DNAH8: variants seen among roughly 807,000 people sequenced by gnomAD.
The protein encoded by DNAH8 is dynein axonemal heavy chain 8, also known as axonemal beta dynein heavy chain 8.
A neutral mutation model predicts 562.1 loss-of-function variants in DNAH8; 382 were observed. The observed-to-expected ratio is 0.68, with a 90% confidence interval of 0.63 to 0.74. The LOEUF (loss-of-function observed/expected upper bound fraction) is 0.74, where lower values mean the gene tolerates loss of function less well. Among genes scored for constraint, DNAH8 ranks in the 30% least tolerant of loss-of-function variants. DNAH8 has a pLI of 0.00. For missense variants in DNAH8, 5,203 were observed against 5,620.4 expected (o/e 0.93, Z 2.37); for synonymous variants, 1,881 against 1,919.4 (o/e 0.98, Z 0.52).
intron 42 of DNAH8, among the ~76,000 whole-genome samples, chr6:38,859,994 A>G (rs534201960): frequency 7.8e-4 from 118 of 152,162 alleles, no homozygotes; most frequent in African/African-American, 2.5e-3. Flanking sequence ...GAAGATGCCA[A>G]TCAGATCTTC....
intron 8 of DNAH8, among the ~76,000 whole-genome samples, chr6:38,750,023 G>A (rs1023031117): frequency 6.6e-6 from 1 of 152,050 alleles, no homozygotes; most frequent in East Asian, 1.9e-4. Context: ...TAGTAGAGAC[G>A]GGGTTTCACC....
At chr6:38,871,520 CCT>C (rs1561792203) in intron 49 of DNAH8, among the ~76,000 whole-genome samples, 1 of 152,110 alleles carries the variant, frequency 6.6e-6, no homozygotes, top group Non-Finnish European at 1.5e-5. Flanking sequence ...AGGAACAGTG[CCT>C]CTGTTGCTTT....
At chr6:38,844,104 C>A (rs1315118616) in intron 35 of DNAH8, among the ~76,000 whole-genome samples, 1 of 152,116 alleles carries the variant, frequency 6.6e-6, no homozygotes, top group East Asian at 1.9e-4. Context: ...GCAGTGTTTT[C>A]AGCCTCCTTC....
intron 10 of DNAH8, among the ~76,000 whole-genome samples, chr6:38,759,414 G>A (rs1230512210): frequency 6.6e-6 from 1 of 152,148 alleles, no homozygotes; most frequent in African/African-American, 2.4e-5. Context: ...AATATATAAA[G>A]TCATAGTCAC....
intron 91 of DNAH8, among the ~76,000 whole-genome samples, chr6:39,018,595 C>T (rs539686833): frequency 2.8e-4 from 43 of 152,332 alleles, no homozygotes; most frequent in African/African-American, 1.0e-3. Flanking sequence ...ATTTCATCCT[C>T]CTGCAAAGGT....
chr6:38,981,316 C>T lies in DNAH8; in HGVS notation c.12835-1030C>T, dbSNP rs575453868. The stretch of plus-strand genomic sequence containing the variant: ...TCATCTATGTGGGTTGTTGGATCAT[C>T]AATTCTTGGAGCTATCAGGTCTAAT... On this transcript the variant is annotated intron_variant, in intron 85 of 92. Transcript: ENST00000327475. Among the ~76,000 whole-genome samples the T allele has an allele frequency of 2.6e-5, 4 of 152,266 alleles. No individual in the cohort carries two copies. In the South Asian group the frequency reaches 8.3e-4, roughly 32 times the overall value.
chr6:38,823,037 G>A lies in DNAH8; in HGVS notation c.3720+3G>A. ...AGGACCGCGATGTGAAAGTGAAGGT[G>A]TCTTTCTGCTACTTGTGATGTTGTT... On this transcript the variant is annotated splice_donor_region_variant and intron_variant, in intron 27 of 92. Transcript: ENST00000327475. 1.3e-6 allele frequency: 2 copies of A among 1,564,602 alleles called. No individual in the cohort carries two copies. The highest frequency in any genetic ancestry group is 8.6e-7 in the Non-Finnish European group (1 of 1,161,304).
At chr6:39,027,132 G>C (rs1767351345) in intron 92 of DNAH8, among the ~76,000 whole-genome samples, 1 of 152,228 alleles carries the variant, frequency 6.6e-6, no homozygotes, top group Admixed American at 6.5e-5. Flanking sequence ...CTATTTGGGA[G>C]GATGAGGTGG....
In DNAH8 at chr6:38,931,842, T is replaced by A. The variant is rs749308476; in HGVS notation, c.11306T>A (p.Met3769Lys). Reference sequence around the variant, plus strand: ...GTCGGTGATAAGGAATGTGATATCATGGATACATTTAAACTTTACATTACT... The same window carrying A: ...GTCGGTGATAAGGAATGTGATATCAAGGATACATTTAAACTTTACATTACT... Reference protein sequence around the residue: ...VKVGDKECDIMDTFKLYITTK... With the variant: ...VKVGDKECDIKDTFKLYITTK... The change falls in exon 76 of 93, where the codon ATG becomes AAG. Residue 3769 changes from methionine (M) to lysine (K), a missense_variant. Physicochemically the swap from Met to Lys is moderately conservative, Grantham distance 95 (BLOSUM62 -1). Coordinates refer to ENST00000327475, the MANE Select transcript of DNAH8 (RefSeq NM_001206927.2). The A allele has an allele frequency of 6.2e-7, 1 of 1,601,698 alleles. No homozygotes were observed. The highest frequency in any genetic ancestry group is 1.1e-5 in the South Asian group (1 of 87,942).
chr6:38,831,454 AAAAG>A (rs1381943146), intron 30 of DNAH8, among the ~76,000 whole-genome samples: 1 of 151,852 alleles, frequency 6.6e-6, no homozygotes, highest in Admixed American at 6.6e-5. Context: ...AAAAAAAGAA[AAAAG>A]AAAGACTCAC....
At chr6:38,761,442 T>G (rs1766504527) in intron 10 of DNAH8, among the ~76,000 whole-genome samples, 2 of 116,326 alleles carry the variant, frequency 1.7e-5, no homozygotes, top group Non-Finnish European at 4.1e-5. Context: ...AGTTCTCTAG[T>G]TTTTTTTTAA....
At chr6:38,842,293 G>T in intron 33 of DNAH8, 75 bp from the exon 34 acceptor site, 1 of 1,204,858 alleles carries the variant, frequency 8.3e-7, no homozygotes, top group East Asian at 2.4e-5. Flanking sequence ...TTGATTGGAT[G>T]AACTCTGCCT....
chr6:38,968,483 A>C (rs981475411), intron 82 of DNAH8, among the ~76,000 whole-genome samples: 4 of 152,206 alleles, frequency 2.6e-5, no homozygotes, highest in Non-Finnish European at 5.9e-5. Context: ...ATTTGAATGG[A>C]TATTTCTACA....
At chr6:38,717,385 G>A (rs978486085) in intron 1 of DNAH8, among the ~76,000 whole-genome samples, 16 of 152,060 alleles carry the variant, frequency 1.1e-4, no homozygotes, top group African/African-American at 2.4e-4. Context: ...GTGCAGTGGC[G>A]CCATCTTGGC....
intron 79 of DNAH8, among the ~76,000 whole-genome samples, chr6:38,942,930 G>A (rs748381428): frequency 7.2e-5 from 11 of 152,200 alleles, no homozygotes; most frequent in Admixed American, 1.3e-4. Flanking sequence ...TGAGAAACAC[G>A]GCAACACAGT....
chr6:38,956,142 A>G (rs534584408), intron 82 of DNAH8, among the ~76,000 whole-genome samples: 6 of 152,324 alleles, frequency 3.9e-5, no homozygotes, highest in African/African-American at 1.4e-4. Flanking sequence ...CTCAGAGCTA[A>G]CTGTGCAAGA....
chr6:38,815,643 T>C lies in DNAH8; in HGVS notation c.3509T>C (p.Leu1170Pro), dbSNP rs1420207440. 1 of 1,612,390 alleles carries C rather than the reference T, an allele frequency of 6.2e-7. No homozygotes were observed. Among genetic ancestry groups the C allele is most frequent in the Non-Finnish European group, 8.5e-7 (1 of 1,178,912 alleles). The part of the protein sequence containing the change: ...DVTHQNTGKL[L>P]KKEERSFEEA... The stretch of plus-strand genomic sequence containing the variant: ...ACCCATCAAAACACAGGAAAACTGC[T>C]GAAGAAGGAAGAAAGTAAGAATGTA... The change falls in exon 26 of 93, where the codon CTG becomes CCG. Residue 1170 changes from leucine to proline, a missense_variant. Leu to Pro is a moderately conservative substitution (Grantham distance 98). Coordinates refer to ENST00000327475, the MANE Select transcript of DNAH8 (RefSeq NM_001206927.2).
chr6:38,831,963 A>C (rs569272730), intron 30 of DNAH8, among the ~76,000 whole-genome samples: 6 of 152,236 alleles, frequency 3.9e-5, no homozygotes, highest in African/African-American at 1.4e-4. Context: ...TGCTCCAATG[A>C]CTGCAGGCAT....
intron 11 of DNAH8, 50 bp downstream of exon 11, chr6:38,761,853 C>T: frequency 1.8e-6 from 2 of 1,110,802 alleles, no homozygotes; most frequent in Non-Finnish European, 1.3e-6. Context: ...TCCCATCCTG[C>T]CCAATTTTAC....
Sources: allele counts gnomAD v4.1 joint callset (sites outside exome capture counted in the v4.1 genomes callset), GRCh38; gene constraint gnomAD v4.1.1; transcripts MANE v1.5; gene names NCBI Gene and HGNC (gene_info 2026-07-23, HGNC 2026-07-21).